KLHL38: variants seen among roughly 807,000 people sequenced by gnomAD.
KLHL38 encodes the protein kelch like family member 38.
In KLHL38, 38 loss-of-function variants were observed where a neutral mutation model predicts 39.6. The observed-to-expected ratio is 0.96, with a 90% CI of 0.74 to 1.26. The LOEUF (loss-of-function observed/expected upper bound fraction) is 1.26, where lower values mean the gene tolerates loss of function less well. Ranked by LOEUF, KLHL38 falls within the 50% of genes most tolerant of loss-of-function variation. The pLI is 0.00. For synonymous variants in KLHL38, 322 were observed against 302.2 expected, an observed-to-expected ratio of 1.07 and a Z score of -0.68; for missense variants, 803 against 748.1, an observed-to-expected ratio of 1.07 and a Z score of -0.86.
At chr8:123,652,968 A>G in intron 1 of KLHL38, 41 bp from the exon 2 acceptor site, 1 of 1,546,414 alleles carries the variant, frequency 6.5e-7, no homozygotes, top group Non-Finnish European at 8.7e-7. Flanking sequence ...AGCAAGAGTC[A>G]AACCTTTCTC....
rs1479984939 is a variant in KLHL38, at chr8:123,651,915, C to T, written c.1012G>A (p.Gly338Arg). Reference sequence around the variant, plus strand: ...CTCCCTGAGCTGACAGCCATGCCCCCCAGCACATAGATGCTGCGGTGCAAG... The same window carrying T: ...CTCCCTGAGCTGACAGCCATGCCCCTCAGCACATAGATGCTGCGGTGCAAG... Reference protein sequence around the residue: ...ITLHRSIYVLGGMAVSSGRSL... With the variant: ...ITLHRSIYVLRGMAVSSGRSL... Residue 338 changes from glycine to arginine, a missense_variant, in exon 2 of 4, where the codon GGG becomes AGG. By Grantham distance (125) the Gly-to-Arg change is moderately radical. Transcript: ENST00000684634. 1.9e-6 allele frequency: 3 copies of T among 1,614,112 alleles called. No homozygotes were observed. The highest frequency in any genetic ancestry group is 1.1e-5 in the South Asian group (1 of 91,084).
At position 123,651,855 on chromosome 8, in the gene KLHL38, G is replaced by A. The variant is rs201162881; in HGVS notation, c.1072C>T (p.Leu358=). 319 of 1,614,054 alleles carry A rather than the reference G, an allele frequency of 2.0e-4. No homozygotes were observed. The highest frequency in any genetic ancestry group is 2.6e-4 in the Non-Finnish European group (309 of 1,180,014). Residue 358 remains leucine, a synonymous_variant, in exon 2 of 4, where the codon CTG becomes TTG. Coordinates refer to ENST00000684634, the MANE Select transcript of KLHL38 (RefSeq NM_001081675.3). ...LVSHNVYIFS[L]KLNQWRLGEP... is the part of the protein sequence containing the mutation. ...CCCAGCCTCCACTGATTGAGTTTCA[G>A]GGAGAAGATGTAGACATTGTGACTG...
At position 123,645,739 on chromosome 8, in the gene KLHL38, T is replaced by C. The variant is rs747927881; in HGVS notation, c.1746A>G (p.Ter582TrpextTer28). ...QCIPRTSGLP[*>W] ...TAGGGCAGAAGGTTTCTTGTCGACC[T>C]CATGGGAGGCCAGACGTGCGGGGTA... The change falls in exon 4 of 4, where the codon TGA becomes TGG. Residue 582 changes from the stop codon to tryptophan (W), a stop_lost. Coordinates refer to ENST00000684634, the MANE Select transcript of KLHL38 (RefSeq NM_001081675.3). 2 of 1,612,792 alleles carry C rather than the reference T, an allele frequency of 1.2e-6. No homozygotes were observed. The highest frequency in any genetic ancestry group is 1.7e-6 in the Non-Finnish European group (2 of 1,179,024).
rs761238002 is a variant in KLHL38, at chr8:123,647,129, T to G, written c.1351-115A>C. On this transcript the variant is annotated intron_variant, in intron 2 of 3. Coordinates refer to ENST00000684634, the MANE Select transcript of KLHL38 (RefSeq NM_001081675.3). Reference sequence around the variant, plus strand: ...AGTGAGATTTTTCTGTCTGCTTTTTTCCAGTTTTAAAAATGTAGCTATTGT... The same window carrying G: ...AGTGAGATTTTTCTGTCTGCTTTTTGCCAGTTTTAAAAATGTAGCTATTGT... 1.2e-4 allele frequency: 83 copies of G among 666,886 alleles called. 1 individual carries two copies. The highest frequency in any genetic ancestry group is 2.0e-4 in the Non-Finnish European group (75 of 369,984). 41.3% of individuals were successfully genotyped at this position (666,886 alleles called of 1,614,324 possible).
At position 123,652,527 on chromosome 8, in the gene KLHL38, TG is replaced by T. The variant is rs778950774; in HGVS notation, c.399del (p.Ser134AlafsTer6). ...AGTCTGATCATACCCAGGCAGTTGC[TG>T]GGGGCCAACTGGCTCTGCAAGTACG... ...CSSYLQSQLA[P>X]SNCLGMIRLS... On this transcript the variant is annotated frameshift_variant, in exon 2 of 4. Coordinates refer to ENST00000684634, the MANE Select transcript of KLHL38 (RefSeq NM_001081675.3). LOFTEE classifies it high-confidence loss of function. 4 of 1,614,166 alleles carry T rather than the reference TG, an allele frequency of 2.5e-6. No homozygotes were observed. The Admixed American group carries it at 5.0e-5, about 20-fold the overall frequency.
rs765681793 is a variant in KLHL38, at chr8:123,645,757, G to C, written c.1728C>G (p.Arg576=). The C allele has an allele frequency of 2.5e-6, 4 of 1,613,796 alleles. No individual in the cohort carries two copies. The highest frequency in any genetic ancestry group is 3.3e-5 in the Admixed American group (2 of 60,010). The change falls in exon 4 of 4, where the codon CGC becomes CGG. Residue 576 remains arginine, a synonymous_variant. Transcript: ENST00000684634. ...GTCGACCTCATGGGAGGCCAGACGT[G>C]CGGGGTATGCACTGGAGAGTGAGGC... The part of the protein sequence containing the change: ...HACLTLQCIP[R]TSGLP
chr8:123,646,210 G>A (rs34792899), intron 3 of KLHL38, among the ~76,000 whole-genome samples, 182 bp from the exon 4 acceptor site: 4 of 152,196 alleles, frequency 2.6e-5, no homozygotes, highest in African/African-American at 7.2e-5. Flanking sequence ...GGGCTGGCAC[G>A]CAAATCTGCC....
intron 2 of KLHL38, among the ~76,000 whole-genome samples, chr8:123,648,436 G>C (rs1474163982): frequency 6.6e-6 from 1 of 152,236 alleles, no homozygotes; most frequent in Non-Finnish European, 1.5e-5. Context: ...GAGGCCAAGT[G>C]CTAGAGGAAG....
At position 123,644,857 on chromosome 8, in the gene KLHL38, A is replaced by G. The variant is rs1818630583; in HGVS notation, c.*882T>C. On this transcript the variant is annotated 3_prime_UTR_variant, in exon 4 of 4. Transcript: ENST00000684634. ...TGGAATTCAAAAGAGGCCCATAAGC[A>G]TTGTTTTTTAGGTTTAATATATGGA... 6.6e-6 allele frequency among the ~76,000 whole-genome samples: 1 copy of G among 152,194 alleles called. No individual in the cohort carries two copies. The highest frequency in any genetic ancestry group is 1.5e-5 in the Non-Finnish European group (1 of 68,028).
rs1818643184 is a variant in KLHL38, at chr8:123,645,427, A to T, written c.*312T>A. On this transcript the variant is annotated 3_prime_UTR_variant, in exon 4 of 4. Transcript: ENST00000684634. Reference sequence around the variant, plus strand: ...ACTCCAGCCTGGGCTACAGAGTGAAACTCCATCTCAAAAAAAAGAAAAAGA... The same window carrying T: ...ACTCCAGCCTGGGCTACAGAGTGAATCTCCATCTCAAAAAAAAGAAAAAGA... 2.8e-6 allele frequency: 1 copy of T among 361,192 alleles called. No homozygotes were observed. The highest frequency in any genetic ancestry group is 5.1e-6 in the Non-Finnish European group (1 of 196,626). 22.4% of individuals were successfully genotyped at this position (361,192 alleles called of 1,614,324 possible).
chr8:123,647,911 C>G (rs1380211726), intron 2 of KLHL38, among the ~76,000 whole-genome samples: 1 of 152,058 alleles, frequency 6.6e-6, no homozygotes, highest in Non-Finnish European at 1.5e-5. Context: ...AACCCCATCT[C>G]TACTAAAAAT....
rs780056200 is a variant in KLHL38 at position 123,652,445 on chromosome 8, G to T, written c.482C>A (p.Thr161Lys). The change falls in exon 2 of 4, where the codon ACG becomes AAG. Residue 161 changes from threonine to lysine, a missense_variant. Transcript: ENST00000684634. ...CGATGCGGCCACCTCTGGGAAGGAC[G>T]TCAGTGCCACCTCCCTGGCTTTCTT... The part of the protein sequence containing the change: ...LKKKAREVAL[T>K]SFPEVAASAD... 1.2e-6 allele frequency: 2 copies of T among 1,614,028 alleles called. No homozygotes were observed. The highest frequency in any genetic ancestry group is 2.7e-5 in the African/African-American group (2 of 74,924).
chr8:123,648,433 A>G (rs1587052100), intron 2 of KLHL38, among the ~76,000 whole-genome samples: 1 of 152,330 alleles, frequency 6.6e-6, no homozygotes, highest in East Asian at 1.9e-4. Flanking sequence ...GAAGAGGCCA[A>G]GTGCTAGAGG....
chr8:123,652,140 A>G lies in KLHL38; in HGVS notation c.787T>C (p.Cys263Arg). 1 of 1,614,166 alleles carries G rather than the reference A, an allele frequency of 6.2e-7. No homozygotes were observed. The highest frequency in any genetic ancestry group is 8.5e-7 in the Non-Finnish European group (1 of 1,180,016). The part of the protein sequence containing the change: ...ETAKRQMFSL[C>R]GTTVPDCKLL... ...TTGCAGTCTGGGACGGTGGTGCCACACAAAGAGAACATCTGTCTCTTGGCG... is the reference window on the plus strand; with the variant it reads ...TTGCAGTCTGGGACGGTGGTGCCACGCAAAGAGAACATCTGTCTCTTGGCG... Residue 263 changes from cysteine to arginine, a missense_variant, in exon 2 of 4, where the codon TGT becomes CGT. Coordinates refer to ENST00000684634, the MANE Select transcript of KLHL38 (RefSeq NM_001081675.3).
At chr8:123,647,801 G>A (rs538169033) in intron 2 of KLHL38, among the ~76,000 whole-genome samples, 4 of 152,276 alleles carry the variant, frequency 2.6e-5, no homozygotes, top group East Asian at 1.9e-4. Flanking sequence ...TTACGAGGCC[G>A]GGTGCGGTGG....
At position 123,646,930 on chromosome 8, in the gene KLHL38, C is replaced by T; in HGVS notation, c.1435G>A (p.Glu479Lys). Residue 479 changes from glutamate (E) to lysine (K), a missense_variant, in exon 3 of 4, where the codon GAG (glutamate) becomes AAG (lysine). Transcript: ENST00000684634. ...NVCAPAVVLG[E>K]RIVIVGGYTR... is the part of the protein sequence containing the mutation. ...TCACCTCCCACAATGACAATCCGCT[C>T]CCCAAGCACCACTGCAGGGGCACAC... The T allele has an allele frequency of 6.2e-7, 1 of 1,612,926 alleles. No individual in the cohort carries two copies. The highest frequency in any genetic ancestry group is 8.5e-7 in the Non-Finnish European group (1 of 1,179,410).
At chr8:123,647,108 A>T (rs1348197341) in intron 2 of KLHL38, 94 bp from the exon 3 acceptor site, 4 of 720,430 alleles carry the variant, frequency 5.6e-6, no homozygotes, top group Admixed American at 2.5e-5. Flanking sequence ...ACTAGGAGTG[A>T]GATTTTTCTG....
intron 3 of KLHL38, 102 bp from the exon 4 acceptor site, chr8:123,646,130 A>C (rs1387762708): frequency 2.8e-6 from 3 of 1,059,704 alleles, no homozygotes; most frequent in East Asian, 4.8e-5. Context: ...CGTAAGGCTG[A>C]GGCTGGGGCT....
chr8:123,645,790 G>A lies in KLHL38; in HGVS notation c.1695C>T (p.Asp565=), dbSNP rs1563591383. The A allele has an allele frequency of 6.2e-7, 1 of 1,613,956 alleles. No homozygotes were observed. Among genetic ancestry groups the A allele is most frequent in the Admixed American group, 1.7e-5 (1 of 60,008 alleles). ...SQGQLPHKLF[D]HACLTLQCIP... ...TGCACTGGAGAGTGAGGCAGGCATG[G>A]TCAAAGAGCTTGTGCGGCAGCTGTC... Residue 565 remains aspartate, a synonymous_variant, in exon 4 of 4, where the codon GAC becomes GAT. Transcript: ENST00000684634.
Sources: allele counts gnomAD v4.1 joint callset (sites outside exome capture counted in the v4.1 genomes callset), GRCh38; gene constraint gnomAD v4.1.1; transcripts MANE v1.5; gene names NCBI Gene and HGNC (gene_info 2026-07-23, HGNC 2026-07-21).